The following GAS2L3 variants were observed in gnomAD, a reference collection of about 807,000 sequenced individuals.
GAS2L3 encodes the protein growth arrest specific 2 like 3.
In GAS2L3, 28 loss-of-function variants were observed where a neutral mutation model predicts 37.0. The observed-to-expected ratio is 0.76, with a 90% CI of 0.56 to 1.04. GAS2L3 has a LOEUF of 1.04. Among genes scored for constraint, GAS2L3 ranks in the 50% least tolerant of loss-of-function variants. The probability of loss-of-function intolerance (pLI) is 0.00; values close to 1 mark genes in which losing one functional copy is unlikely to be tolerated. For missense variants in GAS2L3, 793 were observed against 817.6 expected, an observed-to-expected ratio of 0.97 and a Z score of 0.37; for synonymous variants, 290 against 296.6, an observed-to-expected ratio of 0.98 and a Z score of 0.23.
intron 3 of GAS2L3, among the ~76,000 whole-genome samples, chr12:100,597,851 C>T (rs1955934313): frequency 6.6e-6 from 1 of 151,904 alleles, no homozygotes; most frequent in Non-Finnish European, 1.5e-5. Context: ...CTCAAATTAA[C>T]CTCAATAAGC....
chr12:100,594,847 G>GT, intron 2 of GAS2L3, 28 bp from the exon 3 acceptor site: 1 of 871,990 alleles, frequency 1.1e-6, no homozygotes, highest in Non-Finnish European at 1.7e-6. Flanking sequence ...ACTGTTAACT[G>GT]TATGTTAATA....
chr12:100,619,556 C>T (rs1345161865), intron 8 of GAS2L3, among the ~76,000 whole-genome samples: 1 of 151,890 alleles, frequency 6.6e-6, no homozygotes, highest in East Asian at 1.9e-4. Context: ...CCTTGCAAGA[C>T]AGATTAAGAA....
At chr12:100,590,056 T>G (rs770580146) in intron 1 of GAS2L3, among the ~76,000 whole-genome samples, 3 of 152,102 alleles carry the variant, frequency 2.0e-5, no homozygotes, top group Non-Finnish European at 4.4e-5. Context: ...CAAAGATAAA[T>G]AGCTGTAACC....
In GAS2L3 at chr12:100,585,913, C is replaced by T. The variant is rs540501425; in HGVS notation, c.-151-5823C>T. 5.6e-4 allele frequency among the ~76,000 whole-genome samples: 86 copies of T among 152,292 alleles called. 2 individuals are homozygous for T. In the South Asian group the frequency reaches 0.018, roughly 31 times the overall value. ...TCTTTGGCTCTCACCTTTTCTACCC[C>T]TACTTGTTTCTCCTTCTCTCAGTGT... On this transcript the variant is annotated intron_variant, in intron 1 of 9. Transcript: ENST00000547754.
Position 100,625,061 on chromosome 12 carries a change from G to T in GAS2L3, c.*171G>T. ...CAGAATTCACATATCTGAATTCACT[G>T]GAAAGAGCCCTTCTGAAGCAAACAG... On this transcript the variant is annotated 3_prime_UTR_variant, in exon 10 of 10. Coordinates refer to ENST00000547754, the MANE Select transcript of GAS2L3 (RefSeq NM_174942.3). 1.8e-6 allele frequency: 1 copy of T among 541,178 alleles called. No homozygotes were observed. The highest frequency in any genetic ancestry group is 3.2e-6 in the Non-Finnish European group (1 of 312,156). The allele number at this position is 541,178 out of a possible 1,614,324, so 33.5% of individuals were successfully genotyped here.
intron 6 of GAS2L3, among the ~76,000 whole-genome samples, chr12:100,616,025 G>A (rs1453037701): frequency 6.6e-6 from 1 of 151,842 alleles, no homozygotes; most frequent in Non-Finnish European, 1.5e-5. Context: ...GAAAAAAAAA[G>A]GGGTGTTGTA....
At chr12:100,600,342 G>A in intron 3 of GAS2L3, 40 bp from the exon 4 acceptor site, 1 of 1,323,920 alleles carries the variant, frequency 7.6e-7, no homozygotes, top group Non-Finnish European at 1.1e-6. Context: ...TTTTAGCAAA[G>A]GTTTTATTCA....
In GAS2L3 at chr12:100,611,986, T is replaced by G; in HGVS notation, c.304-14T>G. 1 of 1,561,994 alleles carries G rather than the reference T, an allele frequency of 6.4e-7. No homozygotes were observed. Among genetic ancestry groups the G allele is most frequent in the African/African-American group, 1.4e-5 (1 of 73,730 alleles). ...CTTGATACATTTTTGAAATTATTCTTTTGTCTTTTCCAGAATTTTCCAATG... is the reference window on the plus strand; with the variant it reads ...CTTGATACATTTTTGAAATTATTCTGTTGTCTTTTCCAGAATTTTCCAATG... On this transcript the variant is annotated splice_polypyrimidine_tract_variant and intron_variant, in intron 5 of 9. Transcript: ENST00000547754.
chr12:100,600,418 A>T lies in GAS2L3; in HGVS notation c.55A>T (p.Ser19Cys). 1 of 1,608,586 alleles carries T rather than the reference A, an allele frequency of 6.2e-7. No homozygotes were observed. Residue 19 changes from serine (S) to cysteine (C), a missense_variant, in exon 4 of 10, where the codon AGT (serine) becomes TGT (cysteine). Coordinates refer to ENST00000547754, the MANE Select transcript of GAS2L3 (RefSeq NM_174942.3). The stretch of plus-strand genomic sequence containing the variant: ...AGAAGATCTGCCTCTAAGTCCTCGG[A>T]GTCCTCTGACTCCCAGACACGGACC... ...FGEDLPLSPRSPLTPRHGPGL... is the reference protein window; with the variant it reads ...FGEDLPLSPRCPLTPRHGPGL...
intron 5 of GAS2L3, 140 bp from the exon 6 acceptor site, chr12:100,611,860 C>G: frequency 1.6e-6 from 1 of 641,938 alleles, no homozygotes; most frequent in Non-Finnish European, 2.7e-6. Flanking sequence ...AAATAGTTTT[C>G]AAAACTATCT....
Position 100,612,150 on chromosome 12 carries a change from T to C in GAS2L3, c.445+9T>C, listed in dbSNP as rs773102202. ...TGAATCTGAAGGTTTAGGTAAGTGATGTTCTTGTCATTCTTGTTTTTAATG... is the reference window on the plus strand; with the variant it reads ...TGAATCTGAAGGTTTAGGTAAGTGACGTTCTTGTCATTCTTGTTTTTAATG... On this transcript the variant is annotated intron_variant, in intron 6 of 9. Transcript: ENST00000547754. 2 of 1,610,650 alleles carry C rather than the reference T, an allele frequency of 1.2e-6. No homozygotes were observed. Among genetic ancestry groups the C allele is most frequent in the Non-Finnish European group, 1.7e-6 (2 of 1,177,328 alleles).
At chr12:100,584,579 CTT>C (rs1229412743) in intron 1 of GAS2L3, among the ~76,000 whole-genome samples, 47 of 145,726 alleles carry the variant, frequency 3.2e-4, no homozygotes, top group African/African-American at 1.1e-3. Context: ...ACTTGAATGT[CTT>C]TTTTTTTTTT....
chr12:100,593,038 G>A (rs1008080082), intron 2 of GAS2L3, among the ~76,000 whole-genome samples: 1 of 152,130 alleles, frequency 6.6e-6, no homozygotes, highest in Non-Finnish European at 1.5e-5. Context: ...ATGTGATTGT[G>A]ATAGTATCGA....
chr12:100,580,153 A>G lies in GAS2L3; in HGVS notation c.-152+6368A>G, dbSNP rs1022796272. 14 of 779,854 alleles carry G rather than the reference A, an allele frequency of 1.8e-5. No individual in the cohort carries two copies. In the African/African-American group the frequency reaches 2.2e-4, roughly 12 times the overall value. 48.3% of individuals were successfully genotyped at this position (779,854 alleles called of 1,614,324 possible). A position where few individuals can be genotyped will look rare whatever the true frequency, so the allele number is the denominator to read the frequency against. ...TGCCTGGACTCATAAATGTTCTCAC[A>G]GTAAAAGAGGGGGTGAGAATATTAA... On this transcript the variant is annotated intron_variant, in intron 1 of 9. Transcript: ENST00000547754.
chr12:100,611,965 A>C (rs1422311230), intron 5 of GAS2L3, 35 bp from the exon 6 acceptor site: 18 of 1,442,218 alleles, frequency 1.2e-5, no homozygotes, highest in East Asian at 6.8e-5. Context: ...AGTATCCTTG[A>C]TACATTTTTG....
chr12:100,578,749 G>A (rs1048114507), intron 1 of GAS2L3: 22 of 548,806 alleles, frequency 4.0e-5, no homozygotes, highest in African/African-American at 1.3e-4. Flanking sequence ...TCAGCATGGC[G>A]TATAAAGGAG....
At position 100,594,861 on chromosome 12, in the gene GAS2L3, TG is replaced by T; in HGVS notation, c.-30-13del. On this transcript the variant is annotated splice_polypyrimidine_tract_variant and intron_variant, in intron 2 of 9. Coordinates refer to ENST00000547754, the MANE Select transcript of GAS2L3 (RefSeq NM_174942.3). ...CACTGTTAACTGTATGTTAATATTTTGTTCTTTTTTCAGAAAAGAAATTTCA... is the reference window on the plus strand; with the variant it reads ...CACTGTTAACTGTATGTTAATATTTTTTCTTTTTTCAGAAAAGAAATTTCA... The T allele has an allele frequency of 9.3e-7, 1 of 1,077,386 alleles. No homozygotes were observed. 66.7% of individuals were successfully genotyped at this position (1,077,386 alleles called of 1,614,324 possible).
intron 3 of GAS2L3, among the ~76,000 whole-genome samples, chr12:100,595,550 A>G (rs929010245): frequency 1.3e-5 from 2 of 151,940 alleles, no homozygotes; most frequent in African/African-American, 4.8e-5. Context: ...TAAAAAGAAC[A>G]TGATTGAATA....
At chr12:100,622,552 A>G (rs1421759286) in intron 9 of GAS2L3, among the ~76,000 whole-genome samples, 170 bp downstream of exon 9, 2 of 121,380 alleles carry the variant, frequency 1.6e-5, no homozygotes, top group Non-Finnish European at 3.4e-5. Flanking sequence ...TCATGAGTAT[A>G]TAATGAGTTT....
Sources: gnomAD v4.1 joint callset for allele counts (sites outside exome capture counted in the v4.1 genomes callset) on GRCh38, gnomAD v4.1.1 for gene constraint, MANE v1.5 for transcripts, NCBI Gene and HGNC (gene_info 2026-07-23, HGNC 2026-07-21) for gene names.